Variants in PLD5 observed in about 807,000 individuals in gnomAD.
PLD5 encodes the protein inactive phospholipase D5.
A neutral mutation model predicts 61.1 loss-of-function variants in PLD5; 36 were observed. That is an observed-to-expected ratio of 0.59 (90% CI 0.45 to 0.78). The LOEUF is 0.78. Among genes scored for constraint, PLD5 ranks in the 30% least tolerant of loss-of-function variants. The pLI, the probability that PLD5 is intolerant of heterozygous loss-of-function variation, is 0.00. For missense variants in PLD5, 515 were observed against 644.4 expected (o/e 0.80, Z 2.17); for synonymous variants, 243 against 242.8 (o/e 1.00, Z -0.01).
intron 7 of PLD5, among the ~76,000 whole-genome samples, chr1:242,113,642 C>A (rs1661717561): frequency 6.6e-6 from 1 of 152,170 alleles, no homozygotes; most frequent in African/African-American, 2.4e-5. Context: ...AAGTTACTCT[C>A]ATTTCCATAA....
intron 6 of PLD5, among the ~76,000 whole-genome samples, chr1:242,114,495 G>A (rs561855713): frequency 2.6e-5 from 4 of 152,104 alleles, no homozygotes; most frequent in South Asian, 4.2e-4. Flanking sequence ...AGTTAACTAC[G>A]GTCCTATAGA....
At chr1:242,515,466 G>A (rs1038060122) in intron 1 of PLD5, among the ~76,000 whole-genome samples, 5 of 152,184 alleles carry the variant, frequency 3.3e-5, no homozygotes, top group Non-Finnish European at 7.3e-5. Context: ...ACCTACCTCG[G>A]CCTCCCAAAG....
At chr1:242,125,645 C>T (rs1444502379) in intron 5 of PLD5, among the ~76,000 whole-genome samples, 1 of 152,186 alleles carries the variant, frequency 6.6e-6, no homozygotes, top group East Asian at 1.9e-4. Flanking sequence ...ATGACTTGAA[C>T]ACCCAGTGAG....
intron 2 of PLD5, among the ~76,000 whole-genome samples, chr1:242,320,995 C>T (rs1431579101): frequency 7.9e-5 from 12 of 152,208 alleles, no homozygotes; most frequent in East Asian, 7.7e-4. Flanking sequence ...TCCCTCTCAT[C>T]GGAGATCTGC....
intron 2 of PLD5, among the ~76,000 whole-genome samples, chr1:242,322,566 C>T (rs1898898): frequency 0.87 from 132,555 of 152,224 alleles, 58,080 homozygotes; most frequent in East Asian, 0.95. Flanking sequence ...CAAATCTCAT[C>T]TTGAATTGTA....
intron 1 of PLD5, among the ~76,000 whole-genome samples, chr1:242,392,534 G>C (rs992395089): frequency 5.9e-5 from 9 of 152,206 alleles, no homozygotes; most frequent in African/African-American, 2.2e-4. Context: ...CCAAAGCTCT[G>C]TCTGCAGTGA....
chr1:242,527,109 T>G (rs1346406985), upstream of PLD5, among the ~76,000 whole-genome samples: 2 of 137,732 alleles, frequency 1.5e-5, no homozygotes, highest in African/African-American at 2.7e-5. Flanking sequence ...TGCTACTATC[T>G]CCTTCTTTTT....
At chr1:242,526,540 A>G (rs1669452507), upstream of PLD5, among the ~76,000 whole-genome samples, 1 of 152,008 alleles carries the variant, frequency 6.6e-6, no homozygotes, top group South Asian at 2.1e-4. Flanking sequence ...GGTTCAAGCG[A>G]TTCTCCTGCT....
chr1:242,491,884 C>G (rs1319170899), intron 1 of PLD5, among the ~76,000 whole-genome samples: 1 of 152,222 alleles, frequency 6.6e-6, no homozygotes, highest in Non-Finnish European at 1.5e-5. Context: ...TTTATCCCTT[C>G]CTTCTTCACC....
At chr1:242,398,046 C>G (rs886193262) in intron 1 of PLD5, among the ~76,000 whole-genome samples, 1 of 152,148 alleles carries the variant, frequency 6.6e-6, no homozygotes, top group Non-Finnish European at 1.5e-5. Flanking sequence ...CTTTTCCAAA[C>G]TAGGGCTTTC....
intron 1 of PLD5, 100 bp downstream of exon 1, chr1:242,523,988 C>A (rs1669361022): frequency 2.3e-6 from 3 of 1,309,764 alleles, no homozygotes; most frequent in Non-Finnish European, 3.0e-6. Context: ...AGGATCCCCT[C>A]GCCTGCCCCC....
chr1:242,371,559 C>T (rs1399128981), intron 1 of PLD5, among the ~76,000 whole-genome samples: 2 of 152,092 alleles, frequency 1.3e-5, no homozygotes, highest in Non-Finnish European at 2.9e-5. Flanking sequence ...CTCTGGACCT[C>T]CTTTATTTAT....
intron 2 of PLD5, among the ~76,000 whole-genome samples, chr1:242,301,915 T>C (rs1676071561): frequency 1.3e-5 from 2 of 152,050 alleles, no homozygotes; most frequent in Admixed American, 6.5e-5. Flanking sequence ...GTAGCTGGGA[T>C]TACTAGGGCC....
At chr1:242,490,889 G>C (rs75321405) in intron 1 of PLD5, among the ~76,000 whole-genome samples, 1 of 152,060 alleles carries the variant, frequency 6.6e-6, no homozygotes, top group Non-Finnish European at 1.5e-5. Flanking sequence ...AATAAAATCC[G>C]TGGTGATGCT....
chr1:242,439,017 G>C (rs1429569554), intron 1 of PLD5, among the ~76,000 whole-genome samples: 2 of 152,002 alleles, frequency 1.3e-5, no homozygotes, highest in Non-Finnish European at 2.9e-5. Context: ...TTCTTTACAT[G>C]CTTATTGTTT....
At chr1:242,160,016 A>G (rs77085183) in intron 5 of PLD5, among the ~76,000 whole-genome samples, 1 of 142,852 alleles carries the variant, frequency 7.0e-6, no homozygotes, top group Non-Finnish European at 1.5e-5. Flanking sequence ...TTTCCCTTTT[A>G]TTTTTTTTTG....
chr1:242,302,705 C>G (rs919652880), intron 2 of PLD5, among the ~76,000 whole-genome samples: 1 of 152,182 alleles, frequency 6.6e-6, no homozygotes, highest in Non-Finnish European at 1.5e-5. Flanking sequence ...GGCAACAGAG[C>G]AAGACTCTGC....
chr1:242,234,861 T>C (rs989318039), intron 4 of PLD5, among the ~76,000 whole-genome samples: 8 of 152,244 alleles, frequency 5.3e-5, no homozygotes, highest in Middle Eastern at 3.4e-3. Context: ...AGAAAAGTCC[T>C]GTGGATGGCA....
At chr1:242,201,080 T>C (rs979994248) in intron 5 of PLD5, among the ~76,000 whole-genome samples, 1 of 152,154 alleles carries the variant, frequency 6.6e-6, no homozygotes, top group African/African-American at 2.4e-5. Flanking sequence ...CTAAACAACA[T>C]AGAAATAATT....
Sources: allele counts gnomAD v4.1 joint callset (sites outside exome capture counted in the v4.1 genomes callset), GRCh38; gene constraint gnomAD v4.1.1; transcripts MANE v1.5; gene names NCBI Gene and HGNC (gene_info 2026-07-23, HGNC 2026-07-21).